The following NID2 variants were observed in gnomAD, a reference collection of about 807,000 sequenced individuals.
NID2 encodes the protein nidogen 2, also known as nidogen-2.
Under a neutral mutation model 145.4 loss-of-function variants are expected in NID2, and 83 were observed. The ratio of observed to expected loss-of-function variants is 0.57; its 90% CI spans 0.48 to 0.69. The LOEUF (loss-of-function observed/expected upper bound fraction) is 0.69, where lower values mean the gene tolerates loss of function less well. NID2 is among the 30% of genes least tolerant of loss of function. NID2 has a pLI of 0.00. For missense variants in NID2, 1,807 were observed against 1,765.7 expected (o/e 1.02, Z -0.42); for synonymous variants, 739 against 701.3 (o/e 1.05, Z -0.85).
intron 13 of NID2, 68 bp from the exon 14 acceptor site, chr14:52,019,362 C>T: frequency 7.8e-7 from 1 of 1,274,392 alleles, no homozygotes; most frequent in Non-Finnish European, 1.1e-6. Flanking sequence ...TCCACTTCAC[C>T]AGCCCACAGC....
chr14:52,063,759 G>A (rs1476183263), intron 2 of NID2, among the ~76,000 whole-genome samples: 1 of 152,176 alleles, frequency 6.6e-6, no homozygotes, highest in Non-Finnish European at 1.5e-5. Context: ...TGTTTGCTGT[G>A]AACACTAACC....
chr14:52,006,707 A>G (rs759406322), intron 19 of NID2, 47 bp from the exon 20 acceptor site: 2 of 1,606,046 alleles, frequency 1.2e-6, no homozygotes, highest in Non-Finnish European at 1.7e-6. Context: ...TGCTTTGCCA[A>G]AAATGATAGT....
intron 12 of NID2, among the ~76,000 whole-genome samples, chr14:52,024,519 C>T (rs1566751081): frequency 6.6e-6 from 1 of 152,184 alleles, no homozygotes; most frequent in Non-Finnish European, 1.5e-5. Flanking sequence ...CCACCAGACA[C>T]TTTGACTGTG....
rs564171907 is a variant in NID2, at chr14:52,006,892, G to T, written c.3881-232C>A. ...ACAGGATTGCATTTACTGAAATCTG[G>T]TAAGTTTCTGCCAAAGTAGGGCATT... On this transcript the variant is annotated intron_variant, in intron 19 of 21. Transcript: ENST00000216286. 65 of 351,712 alleles carry T rather than the reference G, an allele frequency of 1.8e-4. No homozygotes were observed. The South Asian group carries it at 2.3e-3, about 13-fold the overall frequency. 21.8% of individuals were successfully genotyped at this position (351,712 alleles called of 1,614,324 possible). A position where few individuals can be genotyped will look rare whatever the true frequency, so the allele number is the denominator to read the frequency against.
intron 5 of NID2, among the ~76,000 whole-genome samples, chr14:52,045,899 C>CTG (rs33921845): frequency 0.81 from 123,521 of 152,016 alleles, 50,365 homozygotes; most frequent in South Asian, 0.88. Context: ...ACTATGCAAA[C>CTG]TGTCTTTCAG....
intron 13 of NID2, among the ~76,000 whole-genome samples, chr14:52,019,748 T>A (rs1891335684): frequency 6.6e-6 from 1 of 152,162 alleles, no homozygotes; most frequent in South Asian, 2.1e-4. Context: ...AAGGCTCTGC[T>A]TAATAAGCTT....
intron 9 of NID2, among the ~76,000 whole-genome samples, chr14:52,030,846 G>A (rs996879670): frequency 1.3e-5 from 2 of 152,108 alleles, no homozygotes; most frequent in Non-Finnish European, 2.9e-5. Flanking sequence ...ACAGGACCAT[G>A]TCTTAAAATA....
At position 52,005,849 on chromosome 14, in the gene NID2, C is replaced by T. The variant is rs1420834999; in HGVS notation, c.4005G>A (p.Arg1335=). 2 of 1,599,770 alleles carry T rather than the reference C, an allele frequency of 1.3e-6. No homozygotes were observed. Among genetic ancestry groups the T allele is most frequent in the Middle Eastern group, 1.7e-4 (1 of 6,044 alleles). The stretch of plus-strand genomic sequence containing the variant: ...GTTTATTTACTGATACAACACCATC[C>T]CTGGTAACAGAAAGGAAGAGTGAAT... The part of the protein sequence containing the change: ...ADHFYHTDWR[R]DGVVSVNKHS... Residue 1335 remains arginine (R), a splice_region_variant and synonymous_variant, in exon 21 of 22, where the codon AGG becomes AGA. Transcript: ENST00000216286.
chr14:52,005,547 A>T (rs1477232606), intron 21 of NID2, 51 bp from the exon 22 acceptor site: 3 of 1,576,960 alleles, frequency 1.9e-6, no homozygotes, highest in Admixed American at 3.7e-5. Context: ...GTATATTGTA[A>T]CCAAGTTGCA....
chr14:52,049,411 T>G (rs908147339), intron 5 of NID2, among the ~76,000 whole-genome samples: 2 of 151,156 alleles, frequency 1.3e-5, no homozygotes, highest in Admixed American at 6.6e-5. Context: ...CTGCAGCCCT[T>G]GGCCGGCCTG....
At chr14:52,066,508 C>A (rs1566778747) in intron 2 of NID2, among the ~76,000 whole-genome samples, 1 of 152,120 alleles carries the variant, frequency 6.6e-6, no homozygotes. Flanking sequence ...ATACCCCATT[C>A]TCCAAGATGT....
chr14:52,037,915 C>T (rs185777467), intron 9 of NID2, among the ~76,000 whole-genome samples: 293 of 152,290 alleles, frequency 1.9e-3, no homozygotes, highest in African/African-American at 6.9e-3. Context: ...TTAGTTTGCT[C>T]ATTGCTACTA....
intron 9 of NID2, among the ~76,000 whole-genome samples, chr14:52,033,219 G>A (rs1438477806): frequency 1.3e-5 from 2 of 152,102 alleles, no homozygotes; most frequent in African/African-American, 2.4e-5. Flanking sequence ...CTTAACAGAG[G>A]ATCTGGAACT....
intron 2 of NID2, among the ~76,000 whole-genome samples, chr14:52,061,321 C>G (rs2140432648): frequency 6.6e-6 from 1 of 152,274 alleles, no homozygotes; most frequent in South Asian, 2.1e-4. Context: ...GAGCATTCAC[C>G]TCATTATGCT....
At chr14:52,041,588 ATC>A (rs541467656) in intron 7 of NID2, among the ~76,000 whole-genome samples, 48 of 152,208 alleles carry the variant, frequency 3.2e-4, no homozygotes, top group African/African-American at 1.1e-3. Flanking sequence ...GAAAAGCAAA[ATC>A]ACGGACCCCA....
Position 52,053,852 on chromosome 14 carries a change from A to G in NID2, c.1156T>C (p.Trp386Arg). The G allele has an allele frequency of 6.2e-7, 1 of 1,614,144 alleles. No individual in the cohort carries two copies. The highest frequency in any genetic ancestry group is 8.5e-7 in the Non-Finnish European group (1 of 1,180,016). ...GPDLKGQVEP[W>R]DERETRSPAP... ...GGGCTTCTGGTCTCTCTCTCATCCC[A>G]GGGCTCAACTTGGCCTTTTAAATCT... is the stretch of plus-strand genomic sequence containing the variant. Residue 386 changes from tryptophan to arginine, a missense_variant, in exon 5 of 22, where the codon TGG becomes CGG. Coordinates refer to ENST00000216286, the MANE Select transcript of NID2 (RefSeq NM_007361.4).
chr14:52,063,811 G>C (rs61973233), intron 2 of NID2, among the ~76,000 whole-genome samples: 5 of 152,036 alleles, frequency 3.3e-5, no homozygotes, highest in Non-Finnish European at 7.4e-5. Context: ...CTGCCTGTAG[G>C]ACACTGTCAC....
chr14:52,021,398 C>CA (rs1286629401), intron 12 of NID2, among the ~76,000 whole-genome samples: 1 of 152,170 alleles, frequency 6.6e-6, no homozygotes, highest in East Asian at 1.9e-4. Flanking sequence ...CCCAGGCTCC[C>CA]ATGACCCACA....
chr14:52,038,222 C>A (rs909372263), intron 9 of NID2, among the ~76,000 whole-genome samples: 40 of 152,294 alleles, frequency 2.6e-4, no homozygotes, highest in Admixed American at 2.3e-3. Context: ...GTATAATGTT[C>A]TGGGAATCAT....
Sources: gnomAD v4.1 joint callset for allele counts (sites outside exome capture counted in the v4.1 genomes callset) on GRCh38, gnomAD v4.1.1 for gene constraint, MANE v1.5 for transcripts, NCBI Gene and HGNC (gene_info 2026-07-23, HGNC 2026-07-21) for gene names.